The following CMIP variants were observed in gnomAD, a reference collection of about 807,000 sequenced individuals.
CMIP encodes the protein C-Maf-inducing protein.
CMIP carries 13 observed loss-of-function variants against 97.3 expected under a neutral mutation model. The observed-to-expected ratio is 0.13, with a 90% CI of 0.09 to 0.21. CMIP has a LOEUF of 0.21. CMIP is among the 10% of genes least tolerant of loss of function. The pLI, the probability that CMIP is intolerant of heterozygous loss-of-function variation, is 1.00. For missense variants in CMIP, 847 were observed against 1,024.9 expected (o/e 0.83, Z 2.37); for synonymous variants, 538 against 436.3 (o/e 1.23, Z -2.91).
chr16:81,539,013 C>T (rs756858068), intron 1 of CMIP, among the ~76,000 whole-genome samples: 2 of 152,148 alleles, frequency 1.3e-5, no homozygotes, highest in Non-Finnish European at 2.9e-5. Context: ...TATATTCATG[C>T]ACACAGAAAA....
At chr16:81,576,524 G>A (rs1341606246) in intron 1 of CMIP, among the ~76,000 whole-genome samples, 21 of 152,148 alleles carry the variant, frequency 1.4e-4, no homozygotes, top group Non-Finnish European at 8.8e-5. Context: ...TTAATGAAAC[G>A]CAGTATTATG....
intron 1 of CMIP, among the ~76,000 whole-genome samples, chr16:81,522,129 G>C (rs1355468932): frequency 6.6e-6 from 1 of 152,200 alleles, no homozygotes; most frequent in Non-Finnish European, 1.5e-5. Flanking sequence ...GGAAATGTCA[G>C]ACATCTTTGC....
At chr16:81,678,793 G>A (rs983602025) in intron 10 of CMIP, among the ~76,000 whole-genome samples, 165 bp downstream of exon 10, 1 of 152,276 alleles carries the variant, frequency 6.6e-6, no homozygotes, top group Non-Finnish European at 1.5e-5. Context: ...GTGTGCATAA[G>A]CACAAGTGTG....
intron 1 of CMIP, among the ~76,000 whole-genome samples, chr16:81,469,303 C>A (rs1907387314): frequency 6.6e-6 from 1 of 152,198 alleles, no homozygotes; most frequent in South Asian, 2.1e-4. Context: ...GGAAGTTCTA[C>A]CTTGGGCTCT....
rs1181682764 is a variant in CMIP at position 81,599,886 on chromosome 16, C to T, written c.301-7681C>T. On this transcript the variant is annotated intron_variant, in intron 1 of 20. Transcript: ENST00000537098. Reference sequence around the variant, plus strand: ...CATGGTGCTGGCCACATGGTAACTGCTTGATGAATGTTAACCACGGGCACC... The same window carrying T: ...CATGGTGCTGGCCACATGGTAACTGTTTGATGAATGTTAACCACGGGCACC... Among the ~76,000 whole-genome samples, 3 of 152,150 alleles carry T rather than the reference C, an allele frequency of 2.0e-5. No individual in the cohort carries two copies. In the East Asian group the frequency reaches 5.8e-4, roughly 29 times the overall value.
chr16:81,659,969 G>T (rs1567640853), intron 5 of CMIP, among the ~76,000 whole-genome samples: 1 of 152,048 alleles, frequency 6.6e-6, no homozygotes, highest in Non-Finnish European at 1.5e-5. Context: ...TGCCCTATTG[G>T]CAATTAGTCT....
In CMIP at chr16:81,517,361, A is replaced by G. The variant is rs543863567; in HGVS notation, c.300+71820A>G. On this transcript the variant is annotated intron_variant, in intron 1 of 20. Transcript: ENST00000537098. The stretch of plus-strand genomic sequence containing the variant: ...ACATTGATTCTGTGGAATATGATGC[A>G]GCAATGAAAAAGAATGAAGTGAATC... Among the ~76,000 whole-genome samples, 20 of 152,412 alleles carry G rather than the reference A, an allele frequency of 1.3e-4. No homozygotes were observed. The South Asian group carries it at 3.5e-3, about 27-fold the overall frequency.
chr16:81,594,909 G>C (rs186915052), intron 1 of CMIP, among the ~76,000 whole-genome samples: 77 of 151,610 alleles, frequency 5.1e-4, no homozygotes, highest in Non-Finnish European at 8.5e-4. Flanking sequence ...GGGATTACAG[G>C]TGTGAGCCAC....
At chr16:81,526,546 G>C (rs28410432) in intron 1 of CMIP, among the ~76,000 whole-genome samples, 8,155 of 152,302 alleles carry the variant, frequency 0.054, 254 homozygotes, top group Middle Eastern at 0.085. Context: ...ATAAAGAGGG[G>C]ATCTGTTACT....
intron 1 of CMIP, among the ~76,000 whole-genome samples, chr16:81,516,134 A>C (rs572426018): frequency 6.2e-4 from 94 of 152,080 alleles, no homozygotes; most frequent in Non-Finnish European, 1.1e-3. Flanking sequence ...CCTGCGTTGG[A>C]GTCTCTCAGT....
chr16:81,567,720 G>C (rs576243615), intron 1 of CMIP, among the ~76,000 whole-genome samples: 1 of 152,308 alleles, frequency 6.6e-6, no homozygotes, highest in African/African-American at 2.4e-5. Context: ...CTCCTCTGCT[G>C]TGTCGTCTGC....
At chr16:81,536,443 C>G (rs945659610) in intron 1 of CMIP, among the ~76,000 whole-genome samples, 13 of 152,168 alleles carry the variant, frequency 8.5e-5, no homozygotes, top group African/African-American at 2.9e-4. Context: ...AGAATATTCT[C>G]TTATAGTTCA....
At chr16:81,482,809 C>T (rs2089247037) in intron 1 of CMIP, among the ~76,000 whole-genome samples, 1 of 152,256 alleles carries the variant, frequency 6.6e-6, no homozygotes, top group African/African-American at 2.4e-5. Context: ...GAGCCCGTTC[C>T]CAACTGTAAA....
At chr16:81,508,795 G>C (rs2089757755) in intron 1 of CMIP, among the ~76,000 whole-genome samples, 1 of 152,208 alleles carries the variant, frequency 6.6e-6, no homozygotes, top group African/African-American at 2.4e-5. Context: ...CATGCCTGAG[G>C]GACCCACGTA....
chr16:81,507,738 G>C (rs536892311), intron 1 of CMIP, among the ~76,000 whole-genome samples: 1 of 152,316 alleles, frequency 6.6e-6, no homozygotes, highest in East Asian at 1.9e-4. Flanking sequence ...GATTAACCAG[G>C]AGACCTGAGT....
chr16:81,651,786 G>A (rs550741060), intron 3 of CMIP, among the ~76,000 whole-genome samples: 17 of 152,260 alleles, frequency 1.1e-4, no homozygotes, highest in African/African-American at 3.9e-4. Flanking sequence ...GGTGGTGAGG[G>A]CACTGGCTTG....
intron 1 of CMIP, among the ~76,000 whole-genome samples, chr16:81,466,612 C>T (rs749585413): frequency 2.0e-5 from 3 of 152,192 alleles, no homozygotes; most frequent in Admixed American, 6.5e-5. Context: ...GTATTACTTA[C>T]GAACGGGCCA....
intron 9 of CMIP, among the ~76,000 whole-genome samples, chr16:81,673,394 T>C (rs1285345743): frequency 6.6e-6 from 1 of 152,138 alleles, no homozygotes; most frequent in East Asian, 1.9e-4. Flanking sequence ...GGTACATGAC[T>C]GTACTCAGCT....
chr16:81,683,275 T>C (rs11647444), intron 10 of CMIP, among the ~76,000 whole-genome samples: 44,868 of 152,084 alleles, frequency 0.3, 6,836 homozygotes, highest in Middle Eastern at 0.37. Flanking sequence ...CGCTTCTGAT[T>C]GGCTCCCGTC....
Sources: gnomAD v4.1 joint callset for allele counts (sites outside exome capture counted in the v4.1 genomes callset) on GRCh38, gnomAD v4.1.1 for gene constraint, MANE v1.5 for transcripts, NCBI Gene and HGNC (gene_info 2026-07-23, HGNC 2026-07-21) for gene names.